Variants in ZCWPW2 observed in about 807,000 individuals in gnomAD.
ZCWPW2 encodes the protein zinc finger CW-type PWWP domain protein 2.
ZCWPW2 carries 45 observed loss-of-function variants against 46.6 expected under a neutral mutation model. The ratio of observed to expected loss-of-function variants is 0.96; its 90% confidence interval spans 0.76 to 1.24. The LOEUF (loss-of-function observed/expected upper bound fraction) is 1.24. Ranked by LOEUF, ZCWPW2 falls within the 50% of genes most tolerant of loss-of-function variation. The pLI is 0.00. For missense variants in ZCWPW2, 429 were observed against 403.9 expected (o/e 1.06, Z -0.53); for synonymous variants, 152 against 137.1 (o/e 1.11, Z -0.76).
intron 1 of ZCWPW2, among the ~76,000 whole-genome samples, chr3:28,388,442 A>T (rs1695361752): frequency 6.6e-6 from 1 of 152,196 alleles, no homozygotes; most frequent in Admixed American, 6.5e-5. Context: ...GTTGCATACA[A>T]CTGAAAACAC....
At chr3:28,455,871 G>A (rs1367941516) in intron 4 of ZCWPW2, among the ~76,000 whole-genome samples, 1 of 152,166 alleles carries the variant, frequency 6.6e-6, no homozygotes, top group Non-Finnish European at 1.5e-5. Flanking sequence ...GTACCGTGCT[G>A]TTTTGGTTAC....
At chr3:28,367,550 G>A (rs1442446655) in intron 1 of ZCWPW2, among the ~76,000 whole-genome samples, 1 of 152,182 alleles carries the variant, frequency 6.6e-6, no homozygotes, top group Non-Finnish European at 1.5e-5. Context: ...TTGCTGAGGA[G>A]AGCTTTACTT....
At chr3:28,503,164 T>C (rs1700194536) in intron 6 of ZCWPW2, among the ~76,000 whole-genome samples, 2 of 152,114 alleles carry the variant, frequency 1.3e-5, no homozygotes, top group Admixed American at 1.3e-4. Context: ...TGTTTTCTAT[T>C]CTATATTTTA....
chr3:28,471,104 C>A (rs1428359352), intron 4 of ZCWPW2, among the ~76,000 whole-genome samples: 1 of 152,088 alleles, frequency 6.6e-6, no homozygotes, highest in African/African-American at 2.4e-5. Context: ...AAGATAAAAA[C>A]TATAATAAAA....
intron 3 of ZCWPW2, among the ~76,000 whole-genome samples, chr3:28,421,235 A>T (rs914037731): frequency 6.6e-6 from 1 of 152,122 alleles, no homozygotes; most frequent in South Asian, 2.1e-4. Flanking sequence ...AACTCTAGGT[A>T]GTAGGGGTAG....
At chr3:28,387,578 T>C (rs186079189) in intron 1 of ZCWPW2, among the ~76,000 whole-genome samples, 304 of 152,292 alleles carry the variant, frequency 2.0e-3, no homozygotes, top group Admixed American at 4.8e-3. Context: ...TTTTTTCAAA[T>C]ATTAACATTT....
At chr3:28,370,521 T>C (rs1705291931) in intron 1 of ZCWPW2, among the ~76,000 whole-genome samples, 1 of 151,994 alleles carries the variant, frequency 6.6e-6, no homozygotes. Flanking sequence ...AGCAGACAAA[T>C]AAAACTATTA....
At chr3:28,463,447 A>G (rs1698716358) in intron 4 of ZCWPW2, among the ~76,000 whole-genome samples, 1 of 152,156 alleles carries the variant, frequency 6.6e-6, no homozygotes, top group African/African-American at 2.4e-5. Context: ...TAAATTTTAA[A>G]TTAAAAAAAT....
intron 8 of ZCWPW2, 34 bp downstream of exon 8, chr3:28,515,655 AACCTATATATAATTCC>A (rs1700542571): frequency 6.4e-7 from 1 of 1,561,748 alleles, no homozygotes; most frequent in African/African-American, 1.6e-5. Context: ...TTAGTTCTTT[AACCTATATATAATTCC>A]ACAGAATGTA....
At chr3:28,364,559 A>G (rs1043890033) in intron 1 of ZCWPW2, among the ~76,000 whole-genome samples, 1 of 152,114 alleles carries the variant, frequency 6.6e-6, no homozygotes, top group African/African-American at 2.4e-5. Context: ...GTATTACTTT[A>G]CATTCCCACC....
intron 1 of ZCWPW2, chr3:28,351,483 C>T (rs1430488992): frequency 6.6e-6 from 1 of 151,452 alleles, no homozygotes; most frequent in Non-Finnish European, 1.5e-5. Flanking sequence ...AGCCTTTTTA[C>T]TTATTTTTAG....
At chr3:28,412,451 G>C (rs1196982642) in intron 2 of ZCWPW2, among the ~76,000 whole-genome samples, 3 of 151,910 alleles carry the variant, frequency 2.0e-5, no homozygotes, top group Non-Finnish European at 4.4e-5. Context: ...AGAAGAAAAG[G>C]TTCATTTAGT....
chr3:28,437,621 A>G (rs73825163), intron 4 of ZCWPW2, among the ~76,000 whole-genome samples: 3,133 of 152,304 alleles, frequency 0.021, 109 homozygotes, highest in African/African-American at 0.063. Flanking sequence ...TTCTCTAGTC[A>G]TACAGATGAT....
In ZCWPW2 at chr3:28,478,855, A is replaced by C. The variant is rs1449068349; in HGVS notation, c.534A>C (p.Ala178=). The change falls in exon 5 of 10, where the codon GCA becomes GCC. Residue 178 remains alanine, a synonymous_variant. Coordinates refer to ENST00000383768, the MANE Select transcript of ZCWPW2 (RefSeq NM_001040432.4). ...ATAAAAAGAAGTGGTATAAAAGTGC[A>C]CTACAAGAAGCATGTCTACTCTATG... ...CKNKKKWYKS[A]LQEACLLYGY... 1.3e-6 allele frequency: 2 copies of C among 1,579,036 alleles called. No homozygotes were observed.
chr3:28,457,210 A>T (rs561412349), intron 4 of ZCWPW2, among the ~76,000 whole-genome samples: 1 of 152,290 alleles, frequency 6.6e-6, no homozygotes, highest in Non-Finnish European at 1.5e-5. Context: ...TCACTTCTTT[A>T]CCATTTGTTT....
At chr3:28,399,322 C>T (rs1695833183) in intron 2 of ZCWPW2, among the ~76,000 whole-genome samples, 1 of 152,106 alleles carries the variant, frequency 6.6e-6, no homozygotes, top group South Asian at 2.1e-4. Flanking sequence ...CTAGCCTTAC[C>T]CCCACCCAGT....
At position 28,365,407 on chromosome 3, in the gene ZCWPW2, G is replaced by A. The variant is rs370580975; in HGVS notation, c.-134+16204G>A. ...AGCACCATTTATTAAATAGGGAATC[G>A]TTTCCCCATTGCTTGTTTTTGTCAG... is the stretch of plus-strand genomic sequence containing the variant. On this transcript the variant is annotated intron_variant, in intron 1 of 9. Coordinates refer to ENST00000383768, the MANE Select transcript of ZCWPW2 (RefSeq NM_001040432.4). Among the ~76,000 whole-genome samples the A allele has an allele frequency of 6.0e-4, 84 of 140,784 alleles. 7 individuals are homozygous for A. Among genetic ancestry groups the A allele is most frequent in the African/African-American group, 1.8e-3 (73 of 39,642 alleles). 92.4% of individuals were successfully genotyped at this position (140,784 alleles called of 152,430 possible). A position where few individuals can be genotyped will look rare whatever the true frequency, so the allele number is the denominator to read the frequency against.
chr3:28,391,581 A>T (rs1003049459), intron 2 of ZCWPW2, among the ~76,000 whole-genome samples: 1 of 152,214 alleles, frequency 6.6e-6, no homozygotes, highest in African/African-American at 2.4e-5. Context: ...GGCAGGGGCT[A>T]CTAGTATCAG....
intron 1 of ZCWPW2, among the ~76,000 whole-genome samples, chr3:28,352,130 A>G (rs1321675761): frequency 7.9e-6 from 1 of 125,814 alleles, no homozygotes; most frequent in African/African-American, 3.1e-5. Flanking sequence ...ATGTATGCAC[A>G]CACACACACA....
Sources: gnomAD v4.1 joint callset for allele counts (sites outside exome capture counted in the v4.1 genomes callset) on GRCh38, gnomAD v4.1.1 for gene constraint, MANE v1.5 for transcripts, NCBI Gene and HGNC (gene_info 2026-07-23, HGNC 2026-07-21) for gene names.